Variants in EDNRB observed in about 807,000 individuals in gnomAD.
EDNRB encodes the protein endothelin receptor type B.
A neutral mutation model predicts 46.4 loss-of-function variants in EDNRB; 18 were observed. The observed-to-expected ratio is 0.39, with a 90% CI of 0.27 to 0.57. EDNRB has a LOEUF of 0.57. EDNRB is among the 20% of genes least tolerant of loss of function. EDNRB has a pLI of 0.61. For synonymous variants in EDNRB, 213 were observed against 204.9 expected (o/e 1.04, Z -0.34); for missense variants, 434 against 537.5 (o/e 0.81, Z 1.90).
At chr13:77,913,198 A>C (rs1879657780) in intron 1 of EDNRB, among the ~76,000 whole-genome samples, 1 of 152,172 alleles carries the variant, frequency 6.6e-6, no homozygotes, top group African/African-American at 2.4e-5. Flanking sequence ...ACTTCACTCG[A>C]AACTCATTTG....
chr13:77,970,279 C>A (rs954167771), intron 1 of EDNRB, among the ~76,000 whole-genome samples: 19 of 152,090 alleles, frequency 1.2e-4, no homozygotes. Flanking sequence ...ATATTCCAGA[C>A]CCCTGGTGGT....
intron 1 of EDNRB, among the ~76,000 whole-genome samples, chr13:77,914,914 C>T (rs976296840): frequency 1.3e-5 from 2 of 152,178 alleles, no homozygotes; most frequent in African/African-American, 4.8e-5. Flanking sequence ...TTCACATTGA[C>T]ATTTCTGGGC....
At chr13:77,923,664 T>C (rs1024245335), upstream of EDNRB, among the ~76,000 whole-genome samples, 1 of 152,188 alleles carries the variant, frequency 6.6e-6, no homozygotes, top group Non-Finnish European at 1.5e-5. Context: ...TTCCATTCTT[T>C]TGATACCTGA....
intron 1 of EDNRB, among the ~76,000 whole-genome samples, chr13:77,927,478 G>T (rs17068573): frequency 6.6e-6 from 1 of 152,086 alleles, no homozygotes; most frequent in African/African-American, 2.4e-5. Context: ...ACAAATTTCC[G>T]CTTTTTGACA....
At chr13:77,943,839 T>C (rs760745750) in intron 1 of EDNRB, among the ~76,000 whole-genome samples, 2 of 152,070 alleles carry the variant, frequency 1.3e-5, no homozygotes, top group African/African-American at 2.4e-5. Context: ...AATAAGTAAA[T>C]AGATTTTTCT....
chr13:77,933,592 CA>C (rs1297057256), intron 1 of EDNRB, among the ~76,000 whole-genome samples: 1 of 152,124 alleles, frequency 6.6e-6, no homozygotes, highest in Non-Finnish European at 1.5e-5. Flanking sequence ...GTGCAGGTCA[CA>C]GGGGATATGA....
At chr13:77,967,717 GT>G (rs1399503323) in intron 1 of EDNRB, among the ~76,000 whole-genome samples, 4 of 152,184 alleles carry the variant, frequency 2.6e-5, no homozygotes, top group Admixed American at 6.5e-5. Context: ...TAAAAGGCTA[GT>G]TTTTTAGTAT....
chr13:77,955,322 A>G (rs1168110253), intron 1 of EDNRB, among the ~76,000 whole-genome samples: 1 of 151,920 alleles, frequency 6.6e-6, no homozygotes, highest in African/African-American at 2.4e-5. Flanking sequence ...TAAATTGTTC[A>G]TTTTCTTGCT....
At chr13:77,899,470 A>G (rs572073878) in intron 6 of EDNRB, 1 of 195,514 alleles carries the variant, frequency 5.1e-6, no homozygotes, top group Admixed American at 5.4e-5. Flanking sequence ...AAAAGGAACT[A>G]ATTTAGTTAT....
chr13:77,908,972 A>G (rs1236798603), intron 1 of EDNRB, among the ~76,000 whole-genome samples: 1 of 152,038 alleles, frequency 6.6e-6, no homozygotes, highest in African/African-American at 2.4e-5. Flanking sequence ...CATCTAACTG[A>G]ATAGCTGTTG....
At chr13:77,908,426 CAAAA>C (rs11359758) in intron 1 of EDNRB, among the ~76,000 whole-genome samples, 3 of 124,180 alleles carry the variant, frequency 2.4e-5, no homozygotes, top group Non-Finnish European at 3.5e-5. Flanking sequence ...GAAGTTTTGC[CAAAA>C]AAAAAAAAAA....
intron 1 of EDNRB, among the ~76,000 whole-genome samples, chr13:77,928,615 T>C (rs562619419): frequency 8.5e-5 from 13 of 152,320 alleles, no homozygotes; most frequent in African/African-American, 3.1e-4. Flanking sequence ...ATCTAAAATA[T>C]ATAAATGCCA....
intron 1 of EDNRB, among the ~76,000 whole-genome samples, chr13:77,973,723 G>A (rs1010261333): frequency 2.6e-5 from 4 of 151,668 alleles, no homozygotes; most frequent in African/African-American, 9.7e-5. Context: ...TTACATTTAG[G>A]AGGCCTAATT....
intron 1 of EDNRB, among the ~76,000 whole-genome samples, chr13:77,941,812 G>A (rs1415092688): frequency 1.3e-5 from 2 of 152,166 alleles, no homozygotes; most frequent in African/African-American, 4.8e-5. Context: ...CTTAAATAAA[G>A]CAAAAGCCTT....
Position 77,935,043 on chromosome 13 carries a change from C to T in EDNRB, c.-51-16419G>A, listed in dbSNP as rs368676828. On this transcript the variant is annotated intron_variant, in intron 1 of 7. Transcript: ENST00000646948. ...CAGAAACAATGGTAATTGTGGGACT[C>T]AACAAAGAGTGAGTACAGCTGAAGG... Among the ~76,000 whole-genome samples the T allele has an allele frequency of 3.0e-4, 45 of 149,854 alleles. 1 individual carries two copies. In the East Asian group the frequency reaches 7.3e-3, roughly 24 times the overall value.
intron 1 of EDNRB, among the ~76,000 whole-genome samples, chr13:77,925,392 A>G (rs1880208921): frequency 6.6e-6 from 1 of 152,228 alleles, no homozygotes; most frequent in Non-Finnish European, 1.5e-5. Context: ...TTGCAGACTC[A>G]TGATCATGGC....
Position 77,901,181 on chromosome 13 carries a change from C to T in EDNRB, c.828G>A (p.Trp276Ter). 6.2e-7 allele frequency: 1 copy of T among 1,610,930 alleles called. No individual in the cohort carries two copies. The highest frequency in any genetic ancestry group is 8.5e-7 in the Non-Finnish European group (1 of 1,178,140). The change falls in exon 4 of 7, where the codon TGG becomes TGA. Residue 276 changes from tryptophan (W) to a stop codon, truncating the protein, a stop_gained. Coordinates refer to ENST00000646607, the MANE Select transcript of EDNRB (RefSeq NM_001122659.3). LOFTEE classifies it high-confidence loss of function. ...MQFYKTAKDW[W>*]LFSFYFCLPL... The stretch of plus-strand genomic sequence containing the variant: ...GCAAGCAGAAATAGAAACTGAATAG[C>T]CACCAATCTTTTGCTGTCTTGTAAA...
intron 1 of EDNRB, among the ~76,000 whole-genome samples, chr13:77,956,534 G>A (rs535256350): frequency 3.9e-5 from 6 of 152,048 alleles, no homozygotes; most frequent in African/African-American, 1.2e-4. Flanking sequence ...AAAACTTTAC[G>A]GAACATAAGT....
chr13:77,937,525 C>A (rs1880602036), intron 1 of EDNRB, among the ~76,000 whole-genome samples: 1 of 152,150 alleles, frequency 6.6e-6, no homozygotes, highest in Non-Finnish European at 1.5e-5. Context: ...GAGAAAGAGC[C>A]TAAATGCTGA....
Sources: gnomAD v4.1 joint callset for allele counts (sites outside exome capture counted in the v4.1 genomes callset) on GRCh38, gnomAD v4.1.1 for gene constraint, MANE v1.5 for transcripts, NCBI Gene and HGNC (gene_info 2026-07-23, HGNC 2026-07-21) for gene names.